The following CDC42BPB variants were observed in gnomAD, a reference collection of about 807,000 sequenced individuals.
CDC42BPB encodes the protein CDC42 binding protein kinase beta.
In CDC42BPB, 37 loss-of-function variants were observed where a neutral mutation model predicts 214.9. The observed-to-expected ratio is 0.17, with a 90% CI of 0.13 to 0.23. The LOEUF is 0.23. Ranked by LOEUF, CDC42BPB falls within the 10% of genes least tolerant of loss-of-function variation. The probability of loss-of-function intolerance (pLI) is 1.00; values close to 1 mark genes in which losing one functional copy is unlikely to be tolerated. For missense variants in CDC42BPB, 1,694 were observed against 2,227.0 expected (o/e 0.76, Z 4.82); for synonymous variants, 931 against 884.0 (o/e 1.05, Z -0.94).
At chr14:102,960,204 CA>C (rs556364706) in intron 20 of CDC42BPB, among the ~76,000 whole-genome samples, 1 of 149,238 alleles carries the variant, frequency 6.7e-6, no homozygotes, top group Non-Finnish European at 1.5e-5. Flanking sequence ...GACTCTATCT[CA>C]AAAAAAAACA....
At position 102,933,326 on chromosome 14, in the gene CDC42BPB, A is replaced by G. The variant is rs900481404; in HGVS notation, c.*386T>C. 3 of 180,366 alleles carry G rather than the reference A, an allele frequency of 1.7e-5. No individual in the cohort carries two copies. The highest frequency in any genetic ancestry group is 1.3e-4 in the Admixed American group (2 of 15,988). 11.2% of individuals were successfully genotyped at this position (180,366 alleles called of 1,614,324 possible). On this transcript the variant is annotated 3_prime_UTR_variant, in exon 37 of 37. Transcript: ENST00000361246. ...CTAGGAAAGTTTCAGGAACTAGGGA[A>G]AAGACTGGGTACTGAGGCTGTGTCC...
Position 103,055,690 on chromosome 14 carries a change from TAC to T in CDC42BPB, c.175+1307_175+1308del, listed in dbSNP as rs1888908943. Among the ~76,000 whole-genome samples the T allele has an allele frequency of 4.6e-5, 7 of 152,370 alleles. No homozygotes were observed. The South Asian group carries it at 1.4e-3, about 32-fold the overall frequency. On this transcript the variant is annotated intron_variant, in intron 1 of 36. Coordinates refer to ENST00000361246, the MANE Select transcript of CDC42BPB (RefSeq NM_006035.4). ...CACAAGATACCGTGTAACATTTCAC[TAC>T]AGAGTAATCCAACAGAAGCCCTCTA...
At chr14:102,998,576 T>C (rs1349990669) in intron 5 of CDC42BPB, among the ~76,000 whole-genome samples, 1 of 152,240 alleles carries the variant, frequency 6.6e-6, no homozygotes, top group Non-Finnish European at 1.5e-5. Context: ...TGTGAAGATG[T>C]GGACTCAGTG....
At position 103,021,229 on chromosome 14, in the gene CDC42BPB, G is replaced by A. The variant is rs947425248; in HGVS notation, c.176-9041C>T. On this transcript the variant is annotated intron_variant, in intron 1 of 36. Transcript: ENST00000361246. Reference sequence around the variant, plus strand: ...TAATCCCAGCACTTTGGGAGGCCGAGGCGAGTGGATCACGAGGTCAGGAGA... The same window carrying A: ...TAATCCCAGCACTTTGGGAGGCCGAAGCGAGTGGATCACGAGGTCAGGAGA... 1.3e-5 allele frequency among the ~76,000 whole-genome samples: 2 copies of A among 152,216 alleles called. 1 individual carries two copies. The highest frequency in any genetic ancestry group is 1.3e-4 in the Admixed American group (2 of 15,278).
chr14:103,014,326 T>C (rs1472233209), intron 1 of CDC42BPB, among the ~76,000 whole-genome samples: 2 of 152,198 alleles, frequency 1.3e-5, no homozygotes, highest in Non-Finnish European at 2.9e-5. Flanking sequence ...GTGCAGTCAA[T>C]TGTCTCTCTT....
intron 18 of CDC42BPB, among the ~76,000 whole-genome samples, chr14:102,965,381 C>T (rs1245177128): frequency 2.1e-5 from 3 of 144,004 alleles, no homozygotes; most frequent in African/African-American, 7.9e-5. Flanking sequence ...TCATTCCTAC[C>T]TGTGATTAAA....
chr14:103,003,267 T>C (rs112083079), intron 4 of CDC42BPB, among the ~76,000 whole-genome samples: 4 of 152,194 alleles, frequency 2.6e-5, no homozygotes, highest in Non-Finnish European at 5.9e-5. Flanking sequence ...TAAAAAGTCC[T>C]GAACAAGGCG....
At chr14:102,986,251 C>T (rs1318211541) in intron 6 of CDC42BPB, 5 of 423,634 alleles carry the variant, frequency 1.2e-5, no homozygotes, top group Non-Finnish European at 2.2e-5. Context: ...AACTCCCATT[C>T]TGGAAGGCAC....
At chr14:102,977,715 C>T (rs1397855464) in intron 9 of CDC42BPB, among the ~76,000 whole-genome samples, 2 of 152,222 alleles carry the variant, frequency 1.3e-5, no homozygotes, top group South Asian at 2.1e-4. Flanking sequence ...CCAATGCTGG[C>T]GGCCTATTGG....
At chr14:102,955,738 G>C (rs1266863738) in intron 21 of CDC42BPB, among the ~76,000 whole-genome samples, 1 of 152,222 alleles carries the variant, frequency 6.6e-6, no homozygotes, top group African/African-American at 2.4e-5. Flanking sequence ...TAGGTATGCT[G>C]AGTAGCAAGT....
chr14:102,986,538 A>G lies in CDC42BPB; in HGVS notation c.639T>C (p.His213=). The G allele has an allele frequency of 1.2e-6, 2 of 1,614,128 alleles. No homozygotes were observed. The highest frequency in any genetic ancestry group is 1.1e-5 in the South Asian group (1 of 91,064). Residue 213 remains histidine, a synonymous_variant, in exon 6 of 37, where the codon CAT becomes CAC. Coordinates refer to ENST00000361246, the MANE Select transcript of CDC42BPB (RefSeq NM_006035.4). ...ATGATCCAAAGTCAGCCAGGCGGAT[A>G]TGACCATTCACGTCCAAAAGGACAT... is the stretch of plus-strand genomic sequence containing the variant. ...PDNVLLDVNG[H]IRLADFGSCL... is the part of the protein sequence containing the mutation.
At chr14:102,999,531 G>T (rs777671782) in intron 5 of CDC42BPB, 34 bp downstream of exon 5, 2 of 1,607,274 alleles carry the variant, frequency 1.2e-6, no homozygotes, top group Non-Finnish European at 1.7e-6. Context: ...ACAATTAAAC[G>T]TGGTTTCCAT....
chr14:102,981,477 G>C (rs1022752487), intron 7 of CDC42BPB, among the ~76,000 whole-genome samples: 2 of 152,284 alleles, frequency 1.3e-5, no homozygotes, highest in African/African-American at 4.8e-5. Context: ...CATCAAAAAA[G>C]AGACTCGTTA....
At chr14:102,983,460 C>A (rs1462013033) in intron 7 of CDC42BPB, 96 bp downstream of exon 7, 2 of 1,540,270 alleles carry the variant, frequency 1.3e-6, no homozygotes, top group Non-Finnish European at 1.7e-6. Context: ...CAACTACTCG[C>A]GTTGCTTCCT....
At chr14:102,948,882 A>AAGG (rs1892345672) in intron 26 of CDC42BPB, among the ~76,000 whole-genome samples, 1 of 152,020 alleles carries the variant, frequency 6.6e-6, no homozygotes, top group East Asian at 1.9e-4. Context: ...ACCTGTGCAC[A>AAGG]GCCAGGGACT....
intron 28 of CDC42BPB, among the ~76,000 whole-genome samples, chr14:102,946,245 A>G (rs567964189): frequency 3.3e-5 from 5 of 152,048 alleles, no homozygotes; most frequent in East Asian, 1.9e-4. Context: ...GGATGGTCTC[A>G]ACCTCCTGAC....
At chr14:102,935,100 A>G (rs1313356923) in intron 36 of CDC42BPB, among the ~76,000 whole-genome samples, 1 of 152,200 alleles carries the variant, frequency 6.6e-6, no homozygotes, top group Non-Finnish European at 1.5e-5. Flanking sequence ...ACATGGGGCT[A>G]GAGGTTCTAG....
At position 103,032,051 on chromosome 14, in the gene CDC42BPB, A is replaced by T. The variant is rs996288667; in HGVS notation, c.176-19863T>A. On this transcript the variant is annotated intron_variant, in intron 1 of 36. Coordinates refer to ENST00000361246, the MANE Select transcript of CDC42BPB (RefSeq NM_006035.4). ...GGCATCCTCACCCAGCAAGCAGCAG[A>T]GGGAGCCAAGAGCACCAGCCGGCGG... 2.6e-5 allele frequency among the ~76,000 whole-genome samples: 4 copies of T among 151,586 alleles called. No homozygotes were observed. The South Asian group carries it at 8.3e-4, about 32-fold the overall frequency.
In CDC42BPB at chr14:102,944,922, C is replaced by T. The variant is rs1892083619; in HGVS notation, c.3812-435G>A. Reference sequence around the variant, plus strand: ...AAGAGCTGTCCCCAACCCACTGGGACCCTGAGACAAATCCTCTGAAGACGC... The same window carrying T: ...AAGAGCTGTCCCCAACCCACTGGGATCCTGAGACAAATCCTCTGAAGACGC... On this transcript the variant is annotated intron_variant, in intron 29 of 36. Coordinates refer to ENST00000361246, the MANE Select transcript of CDC42BPB (RefSeq NM_006035.4). This position sits in a 1 kb window ranked among gnomAD's most constrained non-coding sequence, Gnocchi z 6.6. 6.6e-6 allele frequency among the ~76,000 whole-genome samples: 1 copy of T among 152,190 alleles called. No homozygotes were observed. The highest frequency in any genetic ancestry group is 6.5e-5 in the Admixed American group (1 of 15,280).
Sources: allele counts gnomAD v4.1 joint callset (sites outside exome capture counted in the v4.1 genomes callset), GRCh38; gene constraint gnomAD v4.1.1; non-coding constraint Gnocchi (gnomAD v3.1); transcripts MANE v1.5; gene names NCBI Gene and HGNC (gene_info 2026-07-23, HGNC 2026-07-21).